Variants in STXBP6 observed in about 807,000 individuals in gnomAD.
The protein encoded by STXBP6 is syntaxin binding protein 6.
Under a neutral mutation model 26.9 loss-of-function variants are expected in STXBP6, and 21 were observed. The ratio of observed to expected loss-of-function variants is 0.78; its 90% CI spans 0.55 to 1.12. The LOEUF (loss-of-function observed/expected upper bound fraction) is 1.12. Among genes scored for constraint, STXBP6 ranks in the 50% most tolerant of loss-of-function variants. The pLI is 0.00. For synonymous variants in STXBP6, 97 were observed against 92.6 expected (o/e 1.05, Z -0.27); for missense variants, 232 against 257.9 (o/e 0.90, Z 0.69).
intron 3 of STXBP6, among the ~76,000 whole-genome samples, chr14:24,856,759 C>T (rs145793792): frequency 1.3e-5 from 2 of 151,798 alleles, no homozygotes; most frequent in Admixed American, 6.6e-5. Flanking sequence ...ATTATCTGCA[C>T]TCTGAACTTC....
chr14:24,996,245 ATTT>A (rs1595278764), intron 1 of STXBP6, among the ~76,000 whole-genome samples: 1 of 152,192 alleles, frequency 6.6e-6, no homozygotes, highest in African/African-American at 2.4e-5. Context: ...TCCTAGATTA[ATTT>A]TTTAATGCTT....
intron 4 of STXBP6, among the ~76,000 whole-genome samples, chr14:24,828,361 C>G (rs777074553): frequency 6.6e-6 from 1 of 151,940 alleles, no homozygotes; most frequent in African/African-American, 2.4e-5. Flanking sequence ...TATATGACTT[C>G]GTGGAAGCCA....
At chr14:24,907,887 T>TACA (rs2071438997) in intron 2 of STXBP6, among the ~76,000 whole-genome samples, 1 of 152,126 alleles carries the variant, frequency 6.6e-6, no homozygotes, top group African/African-American at 2.4e-5. Flanking sequence ...CAGGTCTCTG[T>TACA]CTTGGCTACA....
intron 2 of STXBP6, among the ~76,000 whole-genome samples, chr14:24,863,151 T>C (rs959698208): frequency 3.3e-5 from 5 of 152,172 alleles, no homozygotes; most frequent in African/African-American, 1.2e-4. Flanking sequence ...ATTTTAACCT[T>C]AAAATCAGGA....
At chr14:24,883,173 C>T (rs976858018) in intron 2 of STXBP6, among the ~76,000 whole-genome samples, 1 of 152,144 alleles carries the variant, frequency 6.6e-6, no homozygotes, top group Non-Finnish European at 1.5e-5. Context: ...CAAACACACA[C>T]ATAGATATGG....
intron 2 of STXBP6, among the ~76,000 whole-genome samples, chr14:24,931,241 TG>T (rs887638188): frequency 2.9e-4 from 6 of 20,516 alleles, no homozygotes; most frequent in Non-Finnish European, 5.0e-4. Flanking sequence ...TGTCGTGAGG[TG>T]GGGGGAGGGG....
chr14:24,855,264 A>C (rs928471314), intron 4 of STXBP6, among the ~76,000 whole-genome samples: 3 of 152,140 alleles, frequency 2.0e-5, no homozygotes, highest in Non-Finnish European at 4.4e-5. Flanking sequence ...GTCAGTGAAA[A>C]GACCAATGAT....
chr14:24,999,382 GGAGTGCGATCTTCA>G (rs1303367686), intron 1 of STXBP6, among the ~76,000 whole-genome samples: 2 of 152,128 alleles, frequency 1.3e-5, no homozygotes, highest in African/African-American at 4.8e-5. Flanking sequence ...AGAGAAGCAT[GGAGTGCGATCTTCA>G]GAGTGCTGAA....
intron 2 of STXBP6, among the ~76,000 whole-genome samples, chr14:24,965,792 G>A (rs994917011): frequency 2.0e-5 from 3 of 152,160 alleles, no homozygotes; most frequent in Admixed American, 2.0e-4. Flanking sequence ...GGAGCAACAG[G>A]TGCCTCTGAC....
At chr14:24,900,261 T>A (rs1166615386) in intron 2 of STXBP6, among the ~76,000 whole-genome samples, 1 of 152,198 alleles carries the variant, frequency 6.6e-6, no homozygotes, top group African/African-American at 2.4e-5. Flanking sequence ...CTCTCAGTTC[T>A]ATCAGAACCA....
chr14:24,880,725 G>A (rs1054997231), intron 2 of STXBP6, among the ~76,000 whole-genome samples: 17 of 152,090 alleles, frequency 1.1e-4, no homozygotes, highest in African/African-American at 3.6e-4. Flanking sequence ...AAACAAGGCC[G>A]TGCTATGGAT....
chr14:25,022,790 T>C (rs1286022426), intron 1 of STXBP6, among the ~76,000 whole-genome samples: 4 of 152,144 alleles, frequency 2.6e-5, no homozygotes, highest in African/African-American at 9.7e-5. Context: ...ATACTGAAAA[T>C]GCCACATTTT....
intron 1 of STXBP6, among the ~76,000 whole-genome samples, chr14:24,989,172 C>T (rs756559112): frequency 6.6e-6 from 1 of 152,170 alleles, no homozygotes; most frequent in Admixed American, 6.5e-5. Context: ...CTCCCTATTC[C>T]ACCATCCAAA....
rs575162093 is a variant in STXBP6, at chr14:24,876,167, T to G, written c.155-19010A>C. 8.3e-4 allele frequency among the ~76,000 whole-genome samples: 127 copies of G among 152,104 alleles called. No individual in the cohort carries two copies. In the South Asian group the frequency reaches 9.8e-3, roughly 12 times the overall value. On this transcript the variant is annotated intron_variant, in intron 2 of 5. Transcript: ENST00000323944. ...GAAACTACCCTTGTGCTTCCATAAC[T>G]AAAAAGAGGAACCCTACTAACCGGG...
At chr14:24,812,871 T>C (rs767478108) in intron 5 of STXBP6, 139 bp from the exon 6 acceptor site, 36 of 769,128 alleles carry the variant, frequency 4.7e-5, no homozygotes, top group Non-Finnish European at 6.9e-5. Flanking sequence ...TCACCGTTAC[T>C]AATTACAGTA....
At chr14:24,818,396 C>G (rs1339398850) in intron 5 of STXBP6, among the ~76,000 whole-genome samples, 1 of 152,156 alleles carries the variant, frequency 6.6e-6, no homozygotes, top group Non-Finnish European at 1.5e-5. Flanking sequence ...AGAGTGCGCA[C>G]TCAGTCACGC....
At chr14:24,834,241 C>T (rs948160866) in intron 4 of STXBP6, among the ~76,000 whole-genome samples, 4 of 152,152 alleles carry the variant, frequency 2.6e-5, no homozygotes, top group African/African-American at 9.7e-5. Context: ...GCAATCCTGC[C>T]ATCTCACACT....
chr14:24,913,000 C>A (rs1358960171), intron 2 of STXBP6, among the ~76,000 whole-genome samples: 1 of 152,170 alleles, frequency 6.6e-6, no homozygotes. Flanking sequence ...CATAATTATT[C>A]TTTGCAATCC....
At chr14:24,955,879 G>A (rs1402412040) in intron 2 of STXBP6, among the ~76,000 whole-genome samples, 2 of 152,174 alleles carry the variant, frequency 1.3e-5, no homozygotes, top group Non-Finnish European at 2.9e-5. Flanking sequence ...TACTTCACAT[G>A]TTTACAACCA....
Sources: gnomAD v4.1 joint callset for allele counts (sites outside exome capture counted in the v4.1 genomes callset) on GRCh38, gnomAD v4.1.1 for gene constraint, MANE v1.5 for transcripts, NCBI Gene and HGNC (gene_info 2026-07-23, HGNC 2026-07-21) for gene names.